Variants in BBS9 observed in about 807,000 individuals in gnomAD.
BBS9 encodes protein PTHB1.
BBS9 carries 89 observed loss-of-function variants against 117.7 expected under a neutral mutation model. The observed-to-expected ratio is 0.76, with a 90% confidence interval of 0.64 to 0.90. The LOEUF (loss-of-function observed/expected upper bound fraction) is 0.90, where lower values mean the gene tolerates loss of function less well. BBS9 is among the 40% of genes least tolerant of loss of function. The pLI is 0.00. For missense variants in BBS9, 982 were observed against 1,042.2 expected, an observed-to-expected ratio of 0.94 and a Z score of 0.80; for synonymous variants, 379 against 370.9, an observed-to-expected ratio of 1.02 and a Z score of -0.25.
At chr7:33,264,810 G>A (rs1798542556) in intron 7 of BBS9, among the ~76,000 whole-genome samples, 1 of 152,002 alleles carries the variant, frequency 6.6e-6, no homozygotes, top group Non-Finnish European at 1.5e-5. Flanking sequence ...TTGAGCTTAA[G>A]ATTTGTTAAG....
chr7:33,410,943 T>A (rs548142498), intron 19 of BBS9, among the ~76,000 whole-genome samples: 7 of 147,790 alleles, frequency 4.7e-5, no homozygotes, highest in African/African-American at 7.5e-5. Context: ...TCTTATTTCA[T>A]GTATCCGTCT....
At chr7:33,522,386 C>T (rs1298694888) in intron 20 of BBS9, among the ~76,000 whole-genome samples, 8 of 150,164 alleles carry the variant, frequency 5.3e-5, no homozygotes, top group African/African-American at 1.9e-4. Context: ...GTTCCTATTT[C>T]TCCACATCCT....
chr7:33,184,334 G>A (rs991263211), intron 5 of BBS9, among the ~76,000 whole-genome samples: 4 of 152,230 alleles, frequency 2.6e-5, no homozygotes, highest in African/African-American at 4.8e-5. Context: ...CCCCATGTCC[G>A]GTGATCCTGT....
chr7:33,582,636 CACTT>C (rs374967316), intron 21 of BBS9, among the ~76,000 whole-genome samples: 1 of 152,170 alleles, frequency 6.6e-6, no homozygotes, highest in South Asian at 2.1e-4. Context: ...TATTTCTACT[CACTT>C]GACCTCCTGC....
At chr7:33,171,862 T>A (rs115642823) in intron 4 of BBS9, among the ~76,000 whole-genome samples, 1 of 152,254 alleles carries the variant, frequency 6.6e-6, no homozygotes, top group African/African-American at 2.4e-5. Context: ...TTAGTCATTC[T>A]GGGTGCCAAG....
intron 19 of BBS9, among the ~76,000 whole-genome samples, chr7:33,487,028 TGG>T (rs1843206872): frequency 6.6e-6 from 1 of 152,248 alleles, no homozygotes. Context: ...TTTTATAAAT[TGG>T]AATTCAATGC....
At chr7:33,163,662 A>G (rs6975008) in intron 4 of BBS9, among the ~76,000 whole-genome samples, 76,347 of 151,406 alleles carry the variant, frequency 0.5, 19,283 homozygotes, top group East Asian at 0.67. Flanking sequence ...TATTTCTGTG[A>G]GATCAGTGGT....
intron 5 of BBS9, among the ~76,000 whole-genome samples, chr7:33,248,930 T>TACAC (rs775153420): frequency 2.6e-5 from 4 of 152,186 alleles, no homozygotes; most frequent in Non-Finnish European, 5.9e-5. Context: ...CTGAACTGCA[T>TACAC]ATATGCTTGG....
At chr7:33,311,180 A>G (rs1490933497) in intron 9 of BBS9, among the ~76,000 whole-genome samples, 1 of 152,292 alleles carries the variant, frequency 6.6e-6, no homozygotes, top group East Asian at 1.9e-4. Flanking sequence ...GGCATGGAAG[A>G]TGACCACTTC....
intron 19 of BBS9, among the ~76,000 whole-genome samples, chr7:33,492,221 A>AAAAAC (rs1563251743): frequency 6.7e-6 from 1 of 148,512 alleles, no homozygotes; most frequent in Non-Finnish European, 1.5e-5. Context: ...AAACAAAAAA[A>AAAAAC]AAACAAAAAA....
At chr7:33,493,501 CTAATGAAAG>C (rs766114718) in intron 19 of BBS9, among the ~76,000 whole-genome samples, 4 of 152,162 alleles carry the variant, frequency 2.6e-5, no homozygotes, top group African/African-American at 4.8e-5. Flanking sequence ...CTCCCTGATT[CTAATGAAAG>C]TACGTCTCAT....
chr7:33,634,603 C>G (rs1866055349), intron 21 of BBS9, among the ~76,000 whole-genome samples: 1 of 152,138 alleles, frequency 6.6e-6, no homozygotes, highest in Non-Finnish European at 1.5e-5. Context: ...TCCTATTACC[C>G]CAGGTGTGAG....
intron 21 of BBS9, among the ~76,000 whole-genome samples, chr7:33,535,538 A>G (rs907031683): frequency 1.3e-5 from 2 of 152,196 alleles, no homozygotes; most frequent in African/African-American, 2.4e-5. Flanking sequence ...ATGCTTTTCT[A>G]TAGAGAAATA....
At position 33,181,858 on chromosome 7, in the gene BBS9, C is replaced by T. The variant is rs895921623; in HGVS notation, c.442+4267C>T. ...CAGCACTTTGGGAGGCCGAGGCAGG[C>T]GGATCACGAGGTCAGGAGATCGAGA... On this transcript the variant is annotated intron_variant, in intron 5 of 22. Coordinates refer to ENST00000242067, the MANE Select transcript of BBS9 (RefSeq NM_198428.3). Among the ~76,000 whole-genome samples the T allele has an allele frequency of 5.3e-5, 8 of 152,124 alleles. No homozygotes were observed. The East Asian group carries it at 7.7e-4, about 15-fold the overall frequency.
At chr7:33,627,658 A>C (rs1018175700) in intron 21 of BBS9, among the ~76,000 whole-genome samples, 2 of 152,222 alleles carry the variant, frequency 1.3e-5, no homozygotes, top group African/African-American at 2.4e-5. Flanking sequence ...CCCTTGCATC[A>C]GTGTGGCCTG....
At chr7:33,529,294 A>G (rs945029721) in intron 20 of BBS9, among the ~76,000 whole-genome samples, 3 of 152,214 alleles carry the variant, frequency 2.0e-5, no homozygotes, top group Non-Finnish European at 2.9e-5. Flanking sequence ...TGGAGAAGTC[A>G]GGTAGCAGGC....
At chr7:33,297,953 T>C (rs973329533) in intron 9 of BBS9, among the ~76,000 whole-genome samples, 1 of 152,138 alleles carries the variant, frequency 6.6e-6, no homozygotes, top group Non-Finnish European at 1.5e-5. Context: ...CAAAATTTCA[T>C]TGGGTAGAAA....
At chr7:33,591,326 G>A (rs888551296) in intron 21 of BBS9, among the ~76,000 whole-genome samples, 4 of 151,884 alleles carry the variant, frequency 2.6e-5, no homozygotes, top group Non-Finnish European at 5.9e-5. Flanking sequence ...AGAATCATTT[G>A]GAAACTAAAA....
intron 19 of BBS9, among the ~76,000 whole-genome samples, chr7:33,417,806 C>T (rs1031103848): frequency 3.3e-5 from 5 of 152,112 alleles, no homozygotes; most frequent in Admixed American, 3.3e-4. Context: ...TCATTGGGAA[C>T]CTCACCAAAA....
Sources: gnomAD v4.1 joint callset for allele counts (sites outside exome capture counted in the v4.1 genomes callset) on GRCh38, gnomAD v4.1.1 for gene constraint, MANE v1.5 for transcripts, NCBI Gene and HGNC (gene_info 2026-07-23, HGNC 2026-07-21) for gene names.